The following NALCN variants were observed in gnomAD, a reference collection of about 807,000 sequenced individuals.
NALCN encodes sodium leak channel, non-selective, also known as sodium leak channel NALCN.
Under a neutral mutation model 225.3 loss-of-function variants are expected in NALCN, and 111 were observed. That is an observed-to-expected ratio of 0.49 (90% CI 0.42 to 0.58). NALCN has a LOEUF of 0.58. Among genes scored for constraint, NALCN ranks in the 20% least tolerant of loss-of-function variants. The probability of loss-of-function intolerance (pLI) is 0.00; values close to 1 mark genes in which losing one functional copy is unlikely to be tolerated. For missense variants in NALCN, 1,378 were observed against 2,202.4 expected (o/e 0.63, Z 7.49); for synonymous variants, 764 against 769.0 (o/e 0.99, Z 0.11).
At chr13:101,248,864 G>C (rs966052384) in intron 11 of NALCN, among the ~76,000 whole-genome samples, 1 of 152,206 alleles carries the variant, frequency 6.6e-6, no homozygotes, top group South Asian at 2.1e-4. Context: ...TATCAAACTT[G>C]AGAAGGCTAG....
At chr13:101,188,187 C>T (rs1350872123) in intron 14 of NALCN, among the ~76,000 whole-genome samples, 3 of 152,064 alleles carry the variant, frequency 2.0e-5, no homozygotes, top group East Asian at 1.9e-4. Context: ...TCACAGTCCG[C>T]GGAGTACCAT....
chr13:101,299,915 C>T (rs1196259176), intron 7 of NALCN, among the ~76,000 whole-genome samples: 2 of 152,110 alleles, frequency 1.3e-5, no homozygotes, highest in Non-Finnish European at 2.9e-5. Context: ...AATTTCCCCA[C>T]ACCATCTCAG....
chr13:101,080,270 A>T (rs1490487176), intron 34 of NALCN, among the ~76,000 whole-genome samples: 2 of 152,138 alleles, frequency 1.3e-5, no homozygotes, highest in East Asian at 3.9e-4. Context: ...ACCAGCAGCC[A>T]CATGGAACCA....
At chr13:101,110,512 G>A in intron 20 of NALCN, 107 bp downstream of exon 20, 1 of 1,189,670 alleles carries the variant, frequency 8.4e-7, no homozygotes, top group Non-Finnish European at 1.2e-6. Context: ...GAAGTCTTAA[G>A]GAGACATGGG....
intron 6 of NALCN, among the ~76,000 whole-genome samples, chr13:101,367,038 C>A (rs2046396242): frequency 1.3e-5 from 2 of 152,138 alleles, no homozygotes; most frequent in Admixed American, 1.3e-4. Context: ...CAGTATTGAT[C>A]TTTCTGTGCC....
At chr13:101,240,869 G>A (rs976215725) in intron 11 of NALCN, among the ~76,000 whole-genome samples, 6 of 152,074 alleles carry the variant, frequency 3.9e-5, no homozygotes, top group African/African-American at 1.2e-4. Flanking sequence ...AAAAACTCTA[G>A]ATGATAATGC....
At chr13:101,081,873 CTATT>C (rs1012350879) in intron 33 of NALCN, among the ~76,000 whole-genome samples, 2 of 151,972 alleles carry the variant, frequency 1.3e-5, no homozygotes, top group African/African-American at 4.8e-5. Context: ...GTCTGTCTGT[CTATT>C]TATTTATTAT....
chr13:101,345,379 C>T lies in NALCN; in HGVS notation c.686G>A (p.Cys229Tyr). The T allele has an allele frequency of 6.2e-7, 1 of 1,613,708 alleles. No individual in the cohort carries two copies. The highest frequency in any genetic ancestry group is 8.5e-7 in the Non-Finnish European group (1 of 1,179,758). Residue 229 changes from cysteine to tyrosine, a missense_variant, in exon 7 of 44, where the codon TGC becomes TAC. By Grantham distance (194) the Cys-to-Tyr change is radical. Around this residue, in one of 19 missense-constraint regions of NALCN, gnomAD observed 67 missense variants for 82.1 expected, o/e 0.82. Coordinates refer to ENST00000251127, the MANE Select transcript of NALCN (RefSeq NM_052867.4). ...WNSLAIPDTH[C>Y]SPELEEGYQC... ...GTAGCCTTCTTCTAGCTCTGGTGAG[C>T]AGTGTGTGTCTGGAATAGCTAAACT...
chr13:101,287,209 G>A (rs1004296116), intron 9 of NALCN, among the ~76,000 whole-genome samples: 7 of 152,242 alleles, frequency 4.6e-5, no homozygotes, highest in African/African-American at 1.7e-4. Context: ...ATTGCCAAAC[G>A]GTTTTCTGGA....
chr13:101,362,249 A>T (rs1202215906), intron 6 of NALCN, among the ~76,000 whole-genome samples: 1 of 152,108 alleles, frequency 6.6e-6, no homozygotes, highest in East Asian at 1.9e-4. Flanking sequence ...TATTATAAAC[A>T]GTTTATACAT....
intron 14 of NALCN, among the ~76,000 whole-genome samples, chr13:101,182,058 C>T (rs868234750): frequency 1.9e-4 from 24 of 129,468 alleles, no homozygotes; most frequent in African/African-American, 4.2e-4. Flanking sequence ...GGCGTGAACC[C>T]GGGAGGCGGA....
chr13:101,220,822 A>T (rs2040908679), intron 13 of NALCN, among the ~76,000 whole-genome samples: 1 of 152,210 alleles, frequency 6.6e-6, no homozygotes, highest in South Asian at 2.1e-4. Context: ...AATATTATCA[A>T]TTTCAAATAT....
At chr13:101,174,051 CA>C (rs529882068) in intron 15 of NALCN, among the ~76,000 whole-genome samples, 192 of 152,106 alleles carry the variant, frequency 1.3e-3, no homozygotes, top group African/African-American at 4.4e-3. Context: ...CTACTGAAAA[CA>C]AAACATAATC....
chr13:101,378,453 G>C lies in NALCN; in HGVS notation c.375+117C>G, dbSNP rs554941397. 1.8e-4 allele frequency: 119 copies of C among 676,946 alleles called. No individual in the cohort carries two copies. The African/African-American group carries it at 2.0e-3, about 11-fold the overall frequency. The allele number at this position is 676,946 out of a possible 1,614,324, so 41.9% of individuals were successfully genotyped here. A position where few individuals can be genotyped will look rare whatever the true frequency, so the allele number is the denominator to read the frequency against. On this transcript the variant is annotated intron_variant, in intron 4 of 43. Coordinates refer to ENST00000251127, the MANE Select transcript of NALCN (RefSeq NM_052867.4). ...AATAAAAATAAAATAAAATGTTGTA[G>C]GCAATTACACAATCACATTTGATAT...
chr13:101,383,827 T>C (rs2139444010), intron 3 of NALCN, among the ~76,000 whole-genome samples: 1 of 152,352 alleles, frequency 6.6e-6, no homozygotes, highest in Non-Finnish European at 1.5e-5. Flanking sequence ...AAACATGCCA[T>C]GCAAATACAG....
rs1274663754 is a variant in NALCN, at chr13:101,399,160, C to T, written c.-34G>A. On this transcript the variant is annotated 5_prime_UTR_variant, in exon 2 of 44. Coordinates refer to ENST00000251127, the MANE Select transcript of NALCN (RefSeq NM_052867.4). ...TAGCTTTGGTGAGCAAGCACAAAAC[C>T]ACAGTCTGGGAAAAGGAAAAGTTGT... 1 of 1,610,510 alleles carries T rather than the reference C, an allele frequency of 6.2e-7. No individual in the cohort carries two copies. Among genetic ancestry groups the T allele is most frequent in the South Asian group, 1.1e-5 (1 of 90,734 alleles).
At chr13:101,114,819 G>A (rs375127519) in intron 18 of NALCN, among the ~76,000 whole-genome samples, 6 of 152,120 alleles carry the variant, frequency 3.9e-5, no homozygotes, top group African/African-American at 1.4e-4. Flanking sequence ...TAAGCCTAAC[G>A]AGCAGCATGG....
intron 10 of NALCN, among the ~76,000 whole-genome samples, chr13:101,273,711 C>T (rs2042875324): frequency 6.6e-6 from 1 of 151,736 alleles, no homozygotes; most frequent in Admixed American, 6.6e-5. Flanking sequence ...CAGTGAAACC[C>T]CGTCTCTTCT....
intron 28 of NALCN, among the ~76,000 whole-genome samples, chr13:101,092,841 A>C (rs540987073): frequency 6.6e-6 from 1 of 152,316 alleles, no homozygotes; most frequent in African/African-American, 2.4e-5. Flanking sequence ...CATTACATGG[A>C]GATGAGTTTC....
Sources: gnomAD v4.1 joint callset for allele counts (sites outside exome capture counted in the v4.1 genomes callset) on GRCh38, gnomAD v4.1.1 for gene constraint, gnomAD v4.1.1 regional missense constraint, MANE v1.5 for transcripts, NCBI Gene and HGNC (gene_info 2026-07-23, HGNC 2026-07-21) for gene names.